The following FRMD4A variants were observed in gnomAD, a reference collection of about 807,000 sequenced individuals.
The protein encoded by FRMD4A is FERM domain containing 4A.
FRMD4A carries 29 observed loss-of-function variants against 129.1 expected under a neutral mutation model. The observed-to-expected ratio is 0.22, with a 90% CI of 0.17 to 0.31. The LOEUF is 0.31. Among genes scored for constraint, FRMD4A ranks in the 10% least tolerant of loss-of-function variants. FRMD4A has a pLI of 1.00. For missense variants in FRMD4A, 1,272 were observed against 1,375.8 expected (o/e 0.92, Z 1.19); for synonymous variants, 634 against 571.6 (o/e 1.11, Z -1.56).
At chr10:13,779,278 T>C (rs1421278854) in intron 6 of FRMD4A, among the ~76,000 whole-genome samples, 1 of 151,546 alleles carries the variant, frequency 6.6e-6, no homozygotes, top group Non-Finnish European at 1.5e-5. Context: ...ATTATGCCAT[T>C]ACACTACAGC....
intron 2 of FRMD4A, among the ~76,000 whole-genome samples, chr10:13,876,414 A>T (rs1418884): frequency 3.9e-5 from 6 of 152,100 alleles, no homozygotes; most frequent in African/African-American, 1.4e-4. Flanking sequence ...CTACTTTTTG[A>T]TGCTACCAAT....
At chr10:14,209,613 C>T (rs527753372) in intron 2 of FRMD4A, among the ~76,000 whole-genome samples, 1 of 150,904 alleles carries the variant, frequency 6.6e-6, no homozygotes, top group East Asian at 2.0e-4. Context: ...CCCAATTACT[C>T]GGGAGGCTGA....
At chr10:13,999,854 G>A (rs562740579) in intron 2 of FRMD4A, among the ~76,000 whole-genome samples, 9 of 152,250 alleles carry the variant, frequency 5.9e-5, no homozygotes, top group Admixed American at 2.6e-4. Context: ...ACGGATGTTC[G>A]TCTGCATACA....
intron 2 of FRMD4A, among the ~76,000 whole-genome samples, chr10:14,269,694 G>T (rs1845095773): frequency 6.6e-6 from 1 of 152,148 alleles, no homozygotes; most frequent in Non-Finnish European, 1.5e-5. Flanking sequence ...ACATCTCAAA[G>T]CCCTTAAGCT....
chr10:13,772,830 G>T (rs1214160517), intron 6 of FRMD4A, among the ~76,000 whole-genome samples: 4 of 152,160 alleles, frequency 2.6e-5, no homozygotes, highest in African/African-American at 9.7e-5. Flanking sequence ...TGGGAGAGGT[G>T]GGGATCGTTA....
At chr10:13,675,474 T>C (rs1455253250) in intron 15 of FRMD4A, among the ~76,000 whole-genome samples, 2 of 152,226 alleles carry the variant, frequency 1.3e-5, no homozygotes, top group Non-Finnish European at 2.9e-5. Context: ...TGATCTCGGC[T>C]CGCTGCAACC....
intron 3 of FRMD4A, among the ~76,000 whole-genome samples, chr10:13,849,094 T>C (rs1485905322): frequency 1.3e-5 from 2 of 152,188 alleles, no homozygotes; most frequent in Non-Finnish European, 2.9e-5. Context: ...GCCTAATAAA[T>C]GATGATGGGA....
chr10:13,779,780 T>G (rs2092690416), intron 6 of FRMD4A, among the ~76,000 whole-genome samples: 1 of 106,600 alleles, frequency 9.4e-6, no homozygotes, highest in Non-Finnish European at 2.1e-5. Flanking sequence ...TTATGCAAAA[T>G]TCACTCTCAA....
At chr10:13,857,564 C>T (rs933180188) in intron 3 of FRMD4A, among the ~76,000 whole-genome samples, 11 of 152,230 alleles carry the variant, frequency 7.2e-5, no homozygotes, top group Non-Finnish European at 1.5e-4. Context: ...AAAGTATTCA[C>T]TCAAAGTCAG....
intron 6 of FRMD4A, among the ~76,000 whole-genome samples, chr10:13,773,450 C>A (rs1023638980): frequency 3.9e-5 from 6 of 152,206 alleles, no homozygotes; most frequent in Non-Finnish European, 8.8e-5. Context: ...TAACCTCAAT[C>A]AAGGAACTAT....
chr10:14,076,946 G>A (rs1169920718), intron 2 of FRMD4A, among the ~76,000 whole-genome samples: 2 of 152,200 alleles, frequency 1.3e-5, no homozygotes, highest in Non-Finnish European at 1.5e-5. Context: ...GAGGTGAAGA[G>A]GGGAGGTGTC....
intron 2 of FRMD4A, among the ~76,000 whole-genome samples, chr10:14,256,381 C>T (rs1472888046): frequency 6.6e-6 from 1 of 152,076 alleles, no homozygotes; most frequent in Admixed American, 6.6e-5. Context: ...TGGTAAAATG[C>T]TATTCCACTA....
chr10:13,794,190 C>T (rs2093063652), intron 5 of FRMD4A, among the ~76,000 whole-genome samples: 1 of 151,890 alleles, frequency 6.6e-6, no homozygotes, highest in Admixed American at 6.6e-5. Flanking sequence ...TCAGGAATTC[C>T]AGACCAGCCT....
At chr10:13,750,590 A>G (rs368092853) in intron 8 of FRMD4A, among the ~76,000 whole-genome samples, 3 of 152,180 alleles carry the variant, frequency 2.0e-5, no homozygotes, top group South Asian at 2.1e-4. Context: ...GGATAGGAAT[A>G]TCACTCTTCT....
At chr10:14,148,475 T>C (rs1403143928) in intron 2 of FRMD4A, among the ~76,000 whole-genome samples, 1 of 152,058 alleles carries the variant, frequency 6.6e-6, no homozygotes, top group Non-Finnish European at 1.5e-5. Context: ...TAAGAAACAA[T>C]GAGAATGGCC....
At chr10:14,056,182 C>A (rs929522977) in intron 2 of FRMD4A, among the ~76,000 whole-genome samples, 23 of 152,234 alleles carry the variant, frequency 1.5e-4, no homozygotes, top group African/African-American at 5.3e-4. Flanking sequence ...CAGGCACGTG[C>A]CACCACACCT....
At chr10:14,194,118 A>T (rs1353497895) in intron 2 of FRMD4A, among the ~76,000 whole-genome samples, 1 of 152,176 alleles carries the variant, frequency 6.6e-6, no homozygotes. Context: ...TCATTTTTAT[A>T]CTTATCTTCA....
intron 2 of FRMD4A, among the ~76,000 whole-genome samples, chr10:14,117,566 G>A (rs1043240417): frequency 1.3e-5 from 2 of 152,220 alleles, no homozygotes; most frequent in Non-Finnish European, 2.9e-5. Context: ...ATCAGACAAT[G>A]AGAAGAGAAA....
chr10:13,983,268 C>T (rs1588669996), intron 2 of FRMD4A, among the ~76,000 whole-genome samples: 1 of 152,154 alleles, frequency 6.6e-6, no homozygotes, highest in Non-Finnish European at 1.5e-5. Context: ...GCAAGCAGTC[C>T]TCTTCCTCAT....
Sources: gnomAD v4.1 joint callset for allele counts (sites outside exome capture counted in the v4.1 genomes callset) on GRCh38, gnomAD v4.1.1 for gene constraint, MANE v1.5 for transcripts, NCBI Gene and HGNC (gene_info 2026-07-23, HGNC 2026-07-21) for gene names.